The following TP63 variants were observed in gnomAD, a reference collection of about 807,000 sequenced individuals.
TP63 encodes the protein tumor protein p63, also known as tumor protein 63.
Under a neutral mutation model 82.8 loss-of-function variants are expected in TP63, and 17 were observed. That is an observed-to-expected ratio of 0.21 (90% CI 0.14 to 0.31). TP63 has a LOEUF of 0.31. Among genes scored for constraint, TP63 ranks in the 10% least tolerant of loss-of-function variants. The pLI is 1.00. For missense variants in TP63, 648 were observed against 895.3 expected, an observed-to-expected ratio of 0.72 and a Z score of 3.52; for synonymous variants, 330 against 321.7, an observed-to-expected ratio of 1.03 and a Z score of -0.28.
chr3:189,708,978 C>T (rs1490613627), intron 1 of TP63, among the ~76,000 whole-genome samples: 2 of 152,138 alleles, frequency 1.3e-5, no homozygotes, highest in African/African-American at 4.8e-5. Context: ...AAGCAATCCT[C>T]TTACATACCT....
chr3:189,848,584 A>G (rs1368620488), intron 4 of TP63, among the ~76,000 whole-genome samples: 1 of 152,190 alleles, frequency 6.6e-6, no homozygotes, highest in Non-Finnish European at 1.5e-5. Flanking sequence ...TTGAAATGGG[A>G]TGACTCAGTA....
At chr3:189,628,483 C>T (rs1159177116), upstream of TP63, among the ~76,000 whole-genome samples, 2 of 152,238 alleles carry the variant, frequency 1.3e-5, no homozygotes, top group Non-Finnish European at 2.9e-5. Flanking sequence ...GTCCCTTTCT[C>T]CTACGTTATG....
the TP63 span, among the ~76,000 whole-genome samples, chr3:189,605,803 C>T: frequency 6.6e-6 from 1 of 151,974 alleles, no homozygotes; most frequent in Non-Finnish European, 1.5e-5. Flanking sequence ...TCAGACAAAG[C>T]AGTAAGCGAA....
At chr3:189,878,348 A>G (rs1369617330) in intron 10 of TP63, among the ~76,000 whole-genome samples, 1 of 146,670 alleles carries the variant, frequency 6.8e-6, no homozygotes, top group Admixed American at 6.8e-5. Context: ...ATTCACCCTT[A>G]TAGTTATTAT....
chr3:189,615,003 T>C, the TP63 span, among the ~76,000 whole-genome samples: 1 of 152,246 alleles, frequency 6.6e-6, no homozygotes, highest in Non-Finnish European at 1.5e-5. Flanking sequence ...ACAGGATGAT[T>C]GTAGTAGCTT....
the TP63 span, among the ~76,000 whole-genome samples, chr3:189,599,590 C>T: frequency 4.6e-5 from 7 of 152,254 alleles, no homozygotes; most frequent in South Asian, 2.1e-4. Flanking sequence ...GCAGTGACGG[C>T]GATCATGGCA....
At chr3:189,831,087 C>G (rs1274826814) in intron 4 of TP63, among the ~76,000 whole-genome samples, 1 of 152,198 alleles carries the variant, frequency 6.6e-6, no homozygotes, top group Non-Finnish European at 1.5e-5. Context: ...TTTATCTTCC[C>G]AGTGCCAATG....
chr3:189,755,146 G>A (rs1722097589), intron 3 of TP63, among the ~76,000 whole-genome samples: 1 of 152,104 alleles, frequency 6.6e-6, no homozygotes, highest in Admixed American at 6.6e-5. Flanking sequence ...GAGAATTGTG[G>A]TGATACCTTT....
At chr3:189,728,867 C>T (rs1719958848) in intron 1 of TP63, among the ~76,000 whole-genome samples, 1 of 152,128 alleles carries the variant, frequency 6.6e-6, no homozygotes, top group Non-Finnish European at 1.5e-5. Context: ...CCTGGTCCTG[C>T]CCTTGACACA....
the TP63 span, among the ~76,000 whole-genome samples, chr3:189,603,997 A>G: frequency 1.3e-5 from 2 of 152,178 alleles, no homozygotes; most frequent in Admixed American, 1.3e-4. Flanking sequence ...TCTGCTAATG[A>G]ATAAATGGGT....
At chr3:189,836,443 G>A (rs898083936) in intron 4 of TP63, among the ~76,000 whole-genome samples, 1 of 152,114 alleles carries the variant, frequency 6.6e-6, no homozygotes, top group African/African-American at 2.4e-5. Context: ...ACTCTTATAG[G>A]GTTGGGCAAA....
chr3:189,788,521 T>G (rs757787847), intron 3 of TP63, among the ~76,000 whole-genome samples: 2 of 151,962 alleles, frequency 1.3e-5, no homozygotes, highest in African/African-American at 4.8e-5. Flanking sequence ...TTTTCACTTA[T>G]AGTTATCTTG....
rs1271243668 is a variant in TP63 at position 189,895,494 on chromosome 3, A to G, written c.*992A>G. On this transcript the variant is annotated 3_prime_UTR_variant, in exon 14 of 14. Coordinates refer to ENST00000264731, the MANE Select transcript of TP63 (RefSeq NM_003722.5). ...TCAAATACACATTTGCTACTGTTGT[A>G]AGAATTCTGATTGATTTGATTGGGA... 1 of 219,458 alleles carries G rather than the reference A, an allele frequency of 4.6e-6. No individual in the cohort carries two copies. Among genetic ancestry groups the G allele is most frequent in the Non-Finnish European group, 9.1e-6 (1 of 109,564 alleles). 13.6% of individuals were successfully genotyped at this position (219,458 alleles called of 1,614,324 possible).
chr3:189,882,018 C>CAAAAAA (rs5855276), intron 10 of TP63, among the ~76,000 whole-genome samples: 2 of 139,674 alleles, frequency 1.4e-5, no homozygotes, highest in African/African-American at 5.2e-5. Context: ...AAGTTCTAAC[C>CAAAAAA]AAAAAAAAAA....
intron 1 of TP63, among the ~76,000 whole-genome samples, chr3:189,720,869 G>A (rs1361501657): frequency 6.6e-6 from 1 of 152,104 alleles, no homozygotes; most frequent in Non-Finnish European, 1.5e-5. Flanking sequence ...CTAAGAGACA[G>A]CAAACAAAGA....
At chr3:189,795,965 T>C (rs955737820) in intron 3 of TP63, among the ~76,000 whole-genome samples, 3 of 152,066 alleles carry the variant, frequency 2.0e-5, no homozygotes, top group Admixed American at 1.3e-4. Context: ...TTAAAACTTA[T>C]CAAAGCTAGG....
intron 10 of TP63, 64 bp downstream of exon 10, chr3:189,873,059 T>C: frequency 6.2e-7 from 1 of 1,609,046 alleles, no homozygotes; most frequent in East Asian, 2.2e-5. Flanking sequence ...GGATCAGCAA[T>C]AGGGTGATTG....
intron 1 of TP63, among the ~76,000 whole-genome samples, chr3:189,706,283 G>A (rs1321964064): frequency 6.6e-6 from 1 of 151,892 alleles, no homozygotes; most frequent in Admixed American, 6.6e-5. Flanking sequence ...TTGAGACGGA[G>A]TCTTCCTCTG....
chr3:189,837,536 T>C (rs1413457224), intron 4 of TP63, among the ~76,000 whole-genome samples: 1 of 118,916 alleles, frequency 8.4e-6, no homozygotes, highest in African/African-American at 3.0e-5. Context: ...CTAGCTAGAG[T>C]TGCCAGATTT....
Sources: gnomAD v4.1 joint callset for allele counts (sites outside exome capture counted in the v4.1 genomes callset) on GRCh38, gnomAD v4.1.1 for gene constraint, MANE v1.5 for transcripts, NCBI Gene and HGNC (gene_info 2026-07-23, HGNC 2026-07-21) for gene names.